NAALADL2: variants seen among roughly 807,000 people sequenced by gnomAD.
NAALADL2 encodes the protein inactive N-acetylated-alpha-linked acidic dipeptidase-like protein 2.
Under a neutral mutation model 87.2 loss-of-function variants are expected in NAALADL2, and 76 were observed. That is an observed-to-expected ratio of 0.87 (90% CI 0.72 to 1.05). The LOEUF is 1.05. NAALADL2 is among the 50% of genes least tolerant of loss of function. NAALADL2 has a pLI of 0.00. For synonymous variants in NAALADL2, 354 were observed against 331.0 expected (o/e 1.07, Z -0.75); for missense variants, 1,089 against 945.8 (o/e 1.15, Z -1.99).
intron 10 of NAALADL2, among the ~76,000 whole-genome samples, chr3:175,593,350 A>T (rs981890221): frequency 2.3e-4 from 35 of 152,294 alleles, no homozygotes; most frequent in Middle Eastern, 6.8e-3. Flanking sequence ...TTTTCTCTTC[A>T]TAGTGAGTAT....
At chr3:175,101,789 G>A (rs928463470) in intron 2 of NAALADL2, among the ~76,000 whole-genome samples, 5 of 150,860 alleles carry the variant, frequency 3.3e-5, no homozygotes, top group African/African-American at 1.2e-4. Context: ...GACAGCTGTC[G>A]ATGCTGTGAA....
chr3:174,589,839 G>GGTT (rs1254631511), intron 2 of NAALADL2, among the ~76,000 whole-genome samples: 1 of 150,618 alleles, frequency 6.6e-6, no homozygotes. Context: ...TTAGTAATAG[G>GGTT]GTTGTTGTTG....
intron 13 of NAALADL2, among the ~76,000 whole-genome samples, chr3:175,779,698 T>G (rs1262359456): frequency 1.3e-5 from 2 of 152,206 alleles, no homozygotes; most frequent in African/African-American, 4.8e-5. Flanking sequence ...TAAGGTTTCT[T>G]GAAATGAAGA....
chr3:175,298,009 A>G (rs953369185), intron 4 of NAALADL2, among the ~76,000 whole-genome samples: 3 of 152,190 alleles, frequency 2.0e-5, no homozygotes, highest in Non-Finnish European at 4.4e-5. Context: ...CAGATGCTAC[A>G]ACAATGCTTG....
At chr3:175,366,493 T>G in intron 5 of NAALADL2, among the ~76,000 whole-genome samples, 1 of 151,510 alleles carries the variant, frequency 6.6e-6, no homozygotes, top group Non-Finnish European at 1.5e-5. Context: ...AAAGTGTTCC[T>G]ATTTCTCCAC....
chr3:175,521,595 T>C (rs1732670816), intron 9 of NAALADL2, among the ~76,000 whole-genome samples: 1 of 152,154 alleles, frequency 6.6e-6, no homozygotes, highest in Non-Finnish European at 1.5e-5. Flanking sequence ...AATGAGGTCA[T>C]ACTGGATTAG....
rs181258017 is a variant in NAALADL2, at chr3:174,724,814, G to A, written c.-114-12827G>A. 3.0e-4 allele frequency among the ~76,000 whole-genome samples: 46 copies of A among 152,174 alleles called. No homozygotes were observed. In the East Asian group the frequency reaches 4.1e-3, roughly 13 times the overall value. The stretch of plus-strand genomic sequence containing the variant: ...TTTCCACTATTAGATCTGTCATGTC[G>A]AAATGGTAGAGTGTATACTATAAAT... On this transcript the variant is annotated intron_variant, in intron 2 of 3. Coordinates refer to the NAALADL2 transcript ENST00000434257.
intron 1 of NAALADL2, among the ~76,000 whole-genome samples, chr3:174,528,525 G>A (rs1431639611): frequency 6.6e-6 from 1 of 152,132 alleles, no homozygotes; most frequent in East Asian, 1.9e-4. Flanking sequence ...CTACTCAGGA[G>A]GCTGAGGTAC....
At chr3:174,885,883 T>G (rs893960461) in intron 1 of NAALADL2, among the ~76,000 whole-genome samples, 3 of 8,494 alleles carry the variant, frequency 3.5e-4, no homozygotes, top group Admixed American at 1.3e-3. Context: ...GTTGTTTTTT[T>G]TTTTTTTTTT....
chr3:175,004,264 A>T (rs1748688496), intron 1 of NAALADL2, among the ~76,000 whole-genome samples: 1 of 149,576 alleles, frequency 6.7e-6, no homozygotes, highest in Non-Finnish European at 1.5e-5. Context: ...GGGTGTGGTG[A>T]TGCATGCTTG....
chr3:174,812,843 A>C (rs1720370321), intron 3 of NAALADL2, among the ~76,000 whole-genome samples: 1 of 152,124 alleles, frequency 6.6e-6, no homozygotes, highest in African/African-American at 2.4e-5. Context: ...TTATAGAATA[A>C]AGATATAAAG....
chr3:175,131,986 C>T (rs867065783), intron 2 of NAALADL2, among the ~76,000 whole-genome samples: 9 of 102,870 alleles, frequency 8.7e-5, no homozygotes, highest in Non-Finnish European at 1.6e-4. Context: ...GGCAGCTGGC[C>T]GGGAGGGGGA....
chr3:175,514,610 G>A (rs1731600304), intron 9 of NAALADL2, among the ~76,000 whole-genome samples: 1 of 152,130 alleles, frequency 6.6e-6, no homozygotes, highest in Non-Finnish European at 1.5e-5. Flanking sequence ...AAAAGTGCAT[G>A]TAGGGGAGAT....
At chr3:175,711,615 A>G (rs1347836244) in intron 11 of NAALADL2, among the ~76,000 whole-genome samples, 1 of 151,904 alleles carries the variant, frequency 6.6e-6, no homozygotes, top group African/African-American at 2.4e-5. Context: ...AGAAGAGTTT[A>G]CTCAAATAAT....
chr3:174,660,532 G>C (rs923540225), intron 2 of NAALADL2, among the ~76,000 whole-genome samples: 1 of 152,096 alleles, frequency 6.6e-6, no homozygotes, highest in African/African-American at 2.4e-5. Flanking sequence ...ACTTTTGAAA[G>C]ATCTCGCGTC....
chr3:175,043,507 C>T lies in NAALADL2; in HGVS notation c.44-53283C>T, dbSNP rs9290529. Among the ~76,000 whole-genome samples, 21 of 152,038 alleles carry T rather than the reference C, an allele frequency of 1.4e-4. No individual in the cohort carries two copies. The South Asian group carries it at 3.9e-3, about 29-fold the overall frequency. ...CCGCCTCAGTCTCCCAAAGTGCTGGCGTTACAGGTGTGAGCCATAGCACCT... is the reference window on the plus strand; with the variant it reads ...CCGCCTCAGTCTCCCAAAGTGCTGGTGTTACAGGTGTGAGCCATAGCACCT... On this transcript the variant is annotated intron_variant, in intron 1 of 13. Transcript: ENST00000454872.
intron 3 of NAALADL2, among the ~76,000 whole-genome samples, chr3:174,750,523 CA>C (rs1373341175): frequency 1.3e-5 from 2 of 151,962 alleles, no homozygotes; most frequent in African/African-American, 4.8e-5. Context: ...TTCCACCTGC[CA>C]GGGGGTTCAA....
intron 9 of NAALADL2, among the ~76,000 whole-genome samples, chr3:175,524,100 G>C (rs1241062082): frequency 1.3e-5 from 2 of 152,146 alleles, no homozygotes; most frequent in Admixed American, 1.3e-4. Context: ...TCCCACACAG[G>C]CTTTGTCTTA....
intron 1 of NAALADL2, among the ~76,000 whole-genome samples, chr3:174,956,598 A>G (rs960253447): frequency 2.0e-5 from 3 of 152,244 alleles, no homozygotes; most frequent in Non-Finnish European, 2.9e-5. Context: ...TAAGTACTCA[A>G]TTAATATTAG....
Sources: allele counts gnomAD v4.1 joint callset (sites outside exome capture counted in the v4.1 genomes callset), GRCh38; gene constraint gnomAD v4.1.1; transcripts MANE v1.5; gene names NCBI Gene and HGNC (gene_info 2026-07-23, HGNC 2026-07-21).